Variants in NKAIN3 observed in about 807,000 individuals in gnomAD.
The protein encoded by NKAIN3 is sodium/potassium transporting ATPase interacting 3, also known as sodium/potassium-transporting ATPase subunit beta-1-interacting protein 3.
NKAIN3 carries 25 observed loss-of-function variants against 30.2 expected under a neutral mutation model. That is an observed-to-expected ratio of 0.83 (90% confidence interval 0.60 to 1.16). The LOEUF (loss-of-function observed/expected upper bound fraction) is 1.16, where lower values mean the gene tolerates loss of function less well. Among genes scored for constraint, NKAIN3 ranks in the 50% most tolerant of loss-of-function variants. The pLI is 0.00. For missense variants in NKAIN3, 225 were observed against 254.1 expected (o/e 0.89, Z 0.78); for synonymous variants, 91 against 89.6 (o/e 1.02, Z -0.09).
At chr8:62,826,574 T>G (rs556224359) in intron 4 of NKAIN3, among the ~76,000 whole-genome samples, 7 of 152,314 alleles carry the variant, frequency 4.6e-5, no homozygotes, top group African/African-American at 1.7e-4. Context: ...CAAGGCTGAT[T>G]TTAAATGGAT....
chr8:62,729,046 A>AAAAAAAAAAACAAAAAACAAAACAAAAC (rs1815380744), intron 3 of NKAIN3, among the ~76,000 whole-genome samples: 1 of 139,400 alleles, frequency 7.2e-6, no homozygotes, highest in African/African-American at 2.7e-5. Flanking sequence ...AAAACAAAAA[A>AAAAAAAAAAACAAAAAACAAAACAAAAC]AAAAAACCTC....
intron 1 of NKAIN3, among the ~76,000 whole-genome samples, chr8:62,313,930 A>G (rs1814530921): frequency 6.6e-6 from 1 of 152,170 alleles, no homozygotes; most frequent in Non-Finnish European, 1.5e-5. Flanking sequence ...ATAAAGATAA[A>G]GCCCATTTAG....
intron 3 of NKAIN3, among the ~76,000 whole-genome samples, chr8:62,629,814 A>G (rs1460351430): frequency 1.3e-5 from 2 of 152,120 alleles, no homozygotes; most frequent in Non-Finnish European, 2.9e-5. Flanking sequence ...GTTTCTTTTC[A>G]TTAAGCATAT....
At chr8:62,462,029 A>G (rs1398013056) in intron 1 of NKAIN3, among the ~76,000 whole-genome samples, 1 of 152,208 alleles carries the variant, frequency 6.6e-6, no homozygotes, top group Non-Finnish European at 1.5e-5. Flanking sequence ...TGGACACATT[A>G]TAATTAAACT....
intron 1 of NKAIN3, among the ~76,000 whole-genome samples, chr8:62,384,266 A>G (rs1479015109): frequency 6.6e-6 from 1 of 152,092 alleles, no homozygotes; most frequent in Non-Finnish European, 1.5e-5. Context: ...AATTTATTGG[A>G]GTAGTGCAGT....
intron 5 of NKAIN3, among the ~76,000 whole-genome samples, chr8:62,994,556 G>GTTCA (rs202064359): frequency 0.014 from 2,207 of 152,218 alleles, 50 homozygotes; most frequent in African/African-American, 0.049. Context: ...GACACTTCAA[G>GTTCA]TTCATTCATT....
At chr8:62,882,665 T>A (rs772692045) in intron 4 of NKAIN3, among the ~76,000 whole-genome samples, 2 of 147,710 alleles carry the variant, frequency 1.4e-5, no homozygotes, top group African/African-American at 5.2e-5. Flanking sequence ...TCACCTAGAT[T>A]TTTTTTTTAC....
intron 3 of NKAIN3, among the ~76,000 whole-genome samples, chr8:62,713,465 A>T (rs908254624): frequency 6.6e-6 from 1 of 152,238 alleles, no homozygotes; most frequent in Non-Finnish European, 1.5e-5. Context: ...CAGTTTAAAA[A>T]ATCTATATTG....
intron 1 of NKAIN3, among the ~76,000 whole-genome samples, chr8:62,417,689 T>C (rs1290742457): frequency 6.6e-6 from 1 of 152,224 alleles, no homozygotes; most frequent in Admixed American, 6.5e-5. Flanking sequence ...TGATATCTCA[T>C]TGTAGTTTTG....
At chr8:62,283,901 A>T (rs1028224886) in intron 1 of NKAIN3, among the ~76,000 whole-genome samples, 1 of 152,188 alleles carries the variant, frequency 6.6e-6, no homozygotes, top group African/African-American at 2.4e-5. Context: ...CTTTGGGAAT[A>T]CTTTAAAAAT....
At chr8:62,445,135 G>A (rs181676770) in intron 1 of NKAIN3, among the ~76,000 whole-genome samples, 2,566 of 151,946 alleles carry the variant, frequency 0.017, 50 homozygotes, top group Middle Eastern at 0.021. Flanking sequence ...TAATAGAGAC[G>A]GGGTTTCACC....
intron 5 of NKAIN3, among the ~76,000 whole-genome samples, chr8:62,946,382 C>T (rs1432367223): frequency 6.6e-6 from 1 of 152,130 alleles, no homozygotes; most frequent in Non-Finnish European, 1.5e-5. Flanking sequence ...CACAGCAGGC[C>T]GTGCCTACTG....
At chr8:62,704,033 A>G (rs1814435643) in intron 3 of NKAIN3, among the ~76,000 whole-genome samples, 1 of 152,126 alleles carries the variant, frequency 6.6e-6, no homozygotes, top group South Asian at 2.1e-4. Context: ...CTCTTTCAAT[A>G]TGTCAACTTA....
chr8:62,315,165 G>A (rs1386280135), intron 1 of NKAIN3, among the ~76,000 whole-genome samples: 1 of 152,026 alleles, frequency 6.6e-6, no homozygotes, highest in Non-Finnish European at 1.5e-5. Context: ...ACAGCTATGG[G>A]TTAATTGTAC....
chr8:62,365,686 C>G (rs1437343115), intron 1 of NKAIN3, among the ~76,000 whole-genome samples: 1 of 152,188 alleles, frequency 6.6e-6, no homozygotes, highest in Non-Finnish European at 1.5e-5. Context: ...TTCAACTTCA[C>G]TAAGTCTGGA....
At chr8:62,687,584 C>T (rs1388485817) in intron 3 of NKAIN3, among the ~76,000 whole-genome samples, 1 of 152,172 alleles carries the variant, frequency 6.6e-6, no homozygotes, top group Admixed American at 6.5e-5. Flanking sequence ...GCCCTCCAAC[C>T]CCTCTTTCTG....
intron 1 of NKAIN3, among the ~76,000 whole-genome samples, chr8:62,566,142 T>C (rs1293971008): frequency 6.6e-6 from 1 of 152,112 alleles, no homozygotes; most frequent in Non-Finnish European, 1.5e-5. Flanking sequence ...TTAGCTTTCA[T>C]TGTTCTGCCC....
At chr8:62,262,354 A>G (rs1812467565) in intron 1 of NKAIN3, among the ~76,000 whole-genome samples, 1 of 152,070 alleles carries the variant, frequency 6.6e-6, no homozygotes, top group South Asian at 2.1e-4. Flanking sequence ...TGCATGCTCT[A>G]TTTTCTTCAG....
At chr8:62,987,801 C>T (rs771140178), downstream of NKAIN3, among the ~76,000 whole-genome samples, 6 of 152,166 alleles carry the variant, frequency 3.9e-5, no homozygotes, top group Non-Finnish European at 7.3e-5. Context: ...CACAGTCATG[C>T]CTTCCCAACA....
Sources: allele counts gnomAD v4.1 joint callset (sites outside exome capture counted in the v4.1 genomes callset), GRCh38; gene constraint gnomAD v4.1.1; transcripts MANE v1.5; gene names NCBI Gene and HGNC (gene_info 2026-07-23, HGNC 2026-07-21).